TAFA1: variants seen among roughly 807,000 people sequenced by gnomAD.
TAFA1 encodes chemokine-like protein TAFA-1.
A neutral mutation model predicts 18.5 loss-of-function variants in TAFA1; 4 were observed. The observed-to-expected ratio is 0.22, with a 90% CI of 0.11 to 0.49. TAFA1 has a LOEUF of 0.49. Among genes scored for constraint, TAFA1 ranks in the 20% least tolerant of loss-of-function variants. TAFA1 has a pLI of 0.98. For missense variants in TAFA1, 147 were observed against 169.0 expected (o/e 0.87, Z 0.72); for synonymous variants, 56 against 55.2 (o/e 1.01, Z -0.06).
intron 3 of TAFA1, among the ~76,000 whole-genome samples, chr3:68,518,781 T>C (rs2072969267): frequency 6.6e-6 from 1 of 152,124 alleles, no homozygotes; most frequent in Admixed American, 6.6e-5. Context: ...TGAAGGTTGT[T>C]TCCCCAAAGA....
chr3:68,376,985 G>T (rs796824341), intron 2 of TAFA1, among the ~76,000 whole-genome samples: 31 of 152,190 alleles, frequency 2.0e-4, no homozygotes, highest in African/African-American at 7.5e-4. Context: ...TTGTGAAAAA[G>T]GTCCTTGGTT....
At chr3:68,099,597 A>G (rs185807146) in intron 2 of TAFA1, among the ~76,000 whole-genome samples, 88 of 152,324 alleles carry the variant, frequency 5.8e-4, no homozygotes, top group South Asian at 1.2e-3. Context: ...GCAATTTCTC[A>G]AAGAACTAAA....
At chr3:68,231,562 T>G (rs1012296177) in intron 2 of TAFA1, among the ~76,000 whole-genome samples, 3 of 151,028 alleles carry the variant, frequency 2.0e-5, no homozygotes, top group East Asian at 2.0e-4. Context: ...GGGTTTCACC[T>G]TGTTAGCCAG....
At chr3:68,086,547 A>G (rs1205851841) in intron 2 of TAFA1, among the ~76,000 whole-genome samples, 1 of 152,194 alleles carries the variant, frequency 6.6e-6, no homozygotes, top group African/African-American at 2.4e-5. Context: ...GAACTGTATA[A>G]AAAACATTTT....
chr3:68,363,827 G>C (rs6774356), intron 2 of TAFA1, among the ~76,000 whole-genome samples: 3 of 151,914 alleles, frequency 2.0e-5, no homozygotes, highest in Admixed American at 6.5e-5. Flanking sequence ...TTATGAGTAC[G>C]CAAACTGAAG....
At chr3:68,339,417 T>C (rs2069041977) in intron 2 of TAFA1, among the ~76,000 whole-genome samples, 1 of 152,222 alleles carries the variant, frequency 6.6e-6, no homozygotes, top group Admixed American at 6.5e-5. Context: ...TAAATGATTA[T>C]GGCAATATGG....
chr3:68,104,456 A>C (rs72920763), intron 2 of TAFA1, among the ~76,000 whole-genome samples: 2,399 of 152,138 alleles, frequency 0.016, 66 homozygotes, highest in African/African-American at 0.054. Flanking sequence ...TTGTGGTTAA[A>C]AATATCACAT....
At chr3:68,319,402 G>T (rs1467832400) in intron 2 of TAFA1, among the ~76,000 whole-genome samples, 2 of 152,090 alleles carry the variant, frequency 1.3e-5, no homozygotes, top group Non-Finnish European at 2.9e-5. Context: ...CATGACTGAT[G>T]CTTGGTTGGG....
At chr3:68,354,155 T>TA (rs2069321239) in intron 2 of TAFA1, among the ~76,000 whole-genome samples, 1 of 112,836 alleles carries the variant, frequency 8.9e-6, no homozygotes. Flanking sequence ...TTTATTTTTC[T>TA]AATTTTTTTT....
chr3:68,373,320 A>G (rs73835110), intron 2 of TAFA1, among the ~76,000 whole-genome samples: 2,739 of 152,294 alleles, frequency 0.018, 84 homozygotes, highest in African/African-American at 0.061. Context: ...TTTTTATTCT[A>G]CAGAGGAAAA....
chr3:68,184,469 G>A (rs886668934), intron 2 of TAFA1, among the ~76,000 whole-genome samples: 2 of 152,114 alleles, frequency 1.3e-5, no homozygotes, highest in Admixed American at 1.3e-4. Context: ...GCATGTGTGT[G>A]TGTGAAAGCA....
At chr3:68,472,613 T>C (rs752005493) in intron 3 of TAFA1, among the ~76,000 whole-genome samples, 30 of 152,084 alleles carry the variant, frequency 2.0e-4, no homozygotes, top group Admixed American at 2.0e-4. Context: ...TATATATCTA[T>C]ATACTGGTTG....
At chr3:68,144,874 C>T (rs1284378142) in intron 2 of TAFA1, 1 of 639,310 alleles carries the variant, frequency 1.6e-6, no homozygotes, top group Non-Finnish European at 2.8e-6. Context: ...TTTACATTTA[C>T]ATTCCATTTC....
chr3:68,397,559 A>G (rs2070407902), intron 2 of TAFA1, among the ~76,000 whole-genome samples: 3 of 152,160 alleles, frequency 2.0e-5, no homozygotes, highest in African/African-American at 7.2e-5. Context: ...TATCCAGTCT[A>G]TCATTGATGG....
intron 2 of TAFA1, among the ~76,000 whole-genome samples, chr3:68,349,317 T>C (rs9825978): frequency 6.6e-6 from 1 of 151,944 alleles, no homozygotes; most frequent in Non-Finnish European, 1.5e-5. Context: ...TGCTAAAAAA[T>C]TTGTACCAGA....
chr3:68,046,517 T>C (rs928466942), intron 2 of TAFA1, among the ~76,000 whole-genome samples: 1 of 152,182 alleles, frequency 6.6e-6, no homozygotes, highest in Admixed American at 6.6e-5. Context: ...ATCCTAGAAA[T>C]AAATCAGCAA....
intron 2 of TAFA1, among the ~76,000 whole-genome samples, chr3:68,042,999 C>G (rs1045707683): frequency 3.9e-5 from 6 of 152,116 alleles, no homozygotes; most frequent in Admixed American, 3.3e-4. Context: ...GCAATTCTGC[C>G]TCAGCCTCCC....
chr3:68,525,686 A>G (rs1467646389), intron 3 of TAFA1, among the ~76,000 whole-genome samples: 1 of 152,134 alleles, frequency 6.6e-6, no homozygotes, highest in Non-Finnish European at 1.5e-5. Flanking sequence ...ACACACATCA[A>G]ATTAGTTTCA....
chr3:68,320,621 C>A (rs1280268823), intron 2 of TAFA1, among the ~76,000 whole-genome samples: 1 of 152,210 alleles, frequency 6.6e-6, no homozygotes, highest in South Asian at 2.1e-4. Context: ...CCTGGGCTCT[C>A]CCTGTGACCC....
Sources: allele counts gnomAD v4.1 joint callset (sites outside exome capture counted in the v4.1 genomes callset), GRCh38; gene constraint gnomAD v4.1.1; transcripts MANE v1.5; gene names NCBI Gene and HGNC (gene_info 2026-07-23, HGNC 2026-07-21).